Variants in EYS observed in about 807,000 individuals in gnomAD.
EYS encodes EGF-like photoreceptor maintenance factor.
In EYS, 250 loss-of-function variants were observed where a neutral mutation model predicts 282.1. That is an observed-to-expected ratio of 0.89 (90% CI 0.80 to 0.98). The LOEUF (loss-of-function observed/expected upper bound fraction) is 0.98. Ranked by LOEUF, EYS falls within the 50% of genes least tolerant of loss-of-function variation. The probability of loss-of-function intolerance (pLI) is 0.00; values close to 1 mark genes in which losing one functional copy is unlikely to be tolerated. For synonymous variants in EYS, 1,355 were observed against 1,282.9 expected, an observed-to-expected ratio of 1.06 and a Z score of -1.20; for missense variants, 4,016 against 3,709.0, an observed-to-expected ratio of 1.08 and a Z score of -2.15.
chr6:65,109,075 G>C (rs1262685586), intron 12 of EYS, among the ~76,000 whole-genome samples: 4 of 151,582 alleles, frequency 2.6e-5, no homozygotes, highest in Non-Finnish European at 4.4e-5. Context: ...CTATTACTCT[G>C]CTGAGAATTT....
chr6:63,782,085 T>A (rs1770243528), intron 39 of EYS, among the ~76,000 whole-genome samples: 3 of 152,214 alleles, frequency 2.0e-5, no homozygotes, highest in Admixed American at 6.5e-5. Flanking sequence ...TAGCCTTGCA[T>A]CCCAGGGATG....
At position 64,382,627 on chromosome 6, in the gene EYS, G is replaced by C. The variant is rs16895148; in HGVS notation, c.6078+6063C>G. Among the ~76,000 whole-genome samples the C allele has an allele frequency of 8.6e-3, 1,316 of 152,304 alleles. 27 individuals are homozygous for C. The highest frequency in any genetic ancestry group is 0.029 in the African/African-American group (1,206 of 41,552). On this transcript the variant is annotated intron_variant, in intron 29 of 42. Transcript: ENST00000503581. ...TACAGTGGTACATCTAAACCAGAGA[G>C]TGCTTGAATAGAAGAAACTATGATT...
At chr6:64,373,850 CCCTGCTTTCCATGTTT>C (rs1772473881) in intron 29 of EYS, among the ~76,000 whole-genome samples, 1 of 152,056 alleles carries the variant, frequency 6.6e-6, no homozygotes. Flanking sequence ...GGGTCATGCA[CCCTGCTTTCCATGTTT>C]CCTGGGACAA....
chr6:64,933,480 A>ACAACAGATG (rs1325918486), intron 15 of EYS, among the ~76,000 whole-genome samples: 1 of 152,154 alleles, frequency 6.6e-6, no homozygotes, highest in African/African-American at 2.4e-5. Flanking sequence ...AAATCAGTAA[A>ACAACAGATG]CAACAGATGC....
chr6:65,155,216 C>T (rs1581963060), intron 12 of EYS, among the ~76,000 whole-genome samples: 1 of 151,496 alleles, frequency 6.6e-6, no homozygotes, highest in African/African-American at 2.4e-5. Flanking sequence ...GTTAGTATTG[C>T]CTGCACTTTA....
intron 2 of EYS, among the ~76,000 whole-genome samples, chr6:65,523,932 C>T (rs1020832978): frequency 4.6e-5 from 7 of 152,162 alleles, no homozygotes; most frequent in African/African-American, 1.7e-4. Context: ...AGTGAAATGG[C>T]ACGATCCCAG....
chr6:64,473,260 G>A (rs865797965), intron 26 of EYS, among the ~76,000 whole-genome samples: 10 of 152,150 alleles, frequency 6.6e-5, no homozygotes, highest in East Asian at 1.9e-4. Flanking sequence ...ACAATCATGC[G>A]GTGTTCTTTA....
At chr6:63,986,922 C>T (rs1467234216) in intron 34 of EYS, among the ~76,000 whole-genome samples, 1 of 143,988 alleles carries the variant, frequency 6.9e-6, no homozygotes, top group East Asian at 2.0e-4. Context: ...TGCCCCCAAA[C>T]CTAAAATAAA....
chr6:65,174,420 G>A (rs1196398543), intron 12 of EYS, among the ~76,000 whole-genome samples: 1 of 151,128 alleles, frequency 6.6e-6, no homozygotes, highest in African/African-American at 2.4e-5. Context: ...CTTTGAAAAA[G>A]GAAATTGCCA....
intron 42 of EYS, among the ~76,000 whole-genome samples, chr6:63,725,912 A>G (rs923135840): frequency 2.6e-5 from 4 of 152,190 alleles, no homozygotes; most frequent in Non-Finnish European, 5.9e-5. Flanking sequence ...TAGAGATGTA[A>G]CTATATGTGC....
intron 22 of EYS, among the ~76,000 whole-genome samples, chr6:64,707,457 C>G (rs1183837450): frequency 6.6e-6 from 1 of 151,936 alleles, no homozygotes; most frequent in Non-Finnish European, 1.5e-5. Flanking sequence ...GTCACGAGGT[C>G]AGGAGATCAA....
intron 12 of EYS, among the ~76,000 whole-genome samples, chr6:65,230,398 A>G (rs1472371729): frequency 6.6e-6 from 1 of 151,898 alleles, no homozygotes; most frequent in African/African-American, 2.4e-5. Flanking sequence ...GTGTTAATAC[A>G]ATTACCCATG....
rs1770855628 is a variant in EYS, at chr6:63,804,523, A to G, written c.7411+1667T>C. Among the ~76,000 whole-genome samples, 5 of 152,196 alleles carry G rather than the reference A, an allele frequency of 3.3e-5. No homozygotes were observed. In the South Asian group the frequency reaches 8.3e-4, roughly 25 times the overall value. ...TCTAGAGCCTGCTCCCTTGACCACT[A>G]TGATAGCTATTTCCTGTCAAGGCTG... On this transcript the variant is annotated intron_variant, in intron 37 of 42. Transcript: ENST00000503581.
chr6:64,719,544 G>C (rs1305167268), intron 22 of EYS, among the ~76,000 whole-genome samples: 2 of 152,190 alleles, frequency 1.3e-5, no homozygotes, highest in Non-Finnish European at 2.9e-5. Flanking sequence ...ATTCCTGAGA[G>C]AGAAACCTTG....
chr6:64,837,637 T>C (rs1187500996), intron 19 of EYS, among the ~76,000 whole-genome samples: 3 of 145,594 alleles, frequency 2.1e-5, no homozygotes, highest in African/African-American at 7.5e-5. Context: ...ATGATAGATA[T>C]ATGATATATA....
rs534366672 is a variant in EYS at position 64,122,884 on chromosome 6, C to T, written c.6425-40882G>A. Among the ~76,000 whole-genome samples, 586 of 151,640 alleles carry T rather than the reference C, an allele frequency of 3.9e-3. 3 individuals carry two copies. Among genetic ancestry groups the T allele is most frequent in the African/African-American group, 0.013 (532 of 41,274 alleles). ...GAAATCGTTAATAATAATAAATGAC[C>T]CAGGATAAATAACAGAAATGCTTAC... On this transcript the variant is annotated intron_variant, in intron 31 of 42. Transcript: ENST00000503581.
At chr6:65,322,405 T>C (rs1161788437) in intron 11 of EYS, among the ~76,000 whole-genome samples, 1 of 152,136 alleles carries the variant, frequency 6.6e-6, no homozygotes, top group Non-Finnish European at 1.5e-5. Flanking sequence ...AACAGTGAGA[T>C]TGCTGCTTTG....
intron 36 of EYS, among the ~76,000 whole-genome samples, chr6:63,846,253 C>G (rs956192476): frequency 2.0e-5 from 3 of 152,142 alleles, no homozygotes; most frequent in African/African-American, 7.2e-5. Context: ...CTCAGCAGGG[C>G]AGCCACTGTG....
At chr6:65,457,763 C>T (rs1274192354) in intron 5 of EYS, among the ~76,000 whole-genome samples, 1 of 152,092 alleles carries the variant, frequency 6.6e-6, no homozygotes, top group Non-Finnish European at 1.5e-5. Flanking sequence ...TTTTCACCTA[C>T]AAATCAAGCT....
Sources: gnomAD v4.1 joint callset for allele counts (sites outside exome capture counted in the v4.1 genomes callset) on GRCh38, gnomAD v4.1.1 for gene constraint, MANE v1.5 for transcripts, NCBI Gene and HGNC (gene_info 2026-07-23, HGNC 2026-07-21) for gene names.